SLC25A21: variants seen among roughly 807,000 people sequenced by gnomAD.
SLC25A21 encodes the protein solute carrier family 25 member 21, also known as mitochondrial 2-oxodicarboxylate carrier.
A neutral mutation model predicts 43.8 loss-of-function variants in SLC25A21; 47 were observed. That is an observed-to-expected ratio of 1.07 (90% CI 0.85 to 1.37). The LOEUF (loss-of-function observed/expected upper bound fraction) is 1.37. Ranked by LOEUF, SLC25A21 falls within the 40% of genes most tolerant of loss-of-function variation. The pLI, the probability that SLC25A21 is intolerant of heterozygous loss-of-function variation, is 0.00. For synonymous variants in SLC25A21, 131 were observed against 121.3 expected, an observed-to-expected ratio of 1.08 and a Z score of -0.52; for missense variants, 352 against 350.2, an observed-to-expected ratio of 1.00 and a Z score of -0.04.
chr14:36,841,087 G>A (rs1889369797), intron 2 of SLC25A21, among the ~76,000 whole-genome samples: 1 of 152,146 alleles, frequency 6.6e-6, no homozygotes, highest in South Asian at 2.1e-4. Context: ...AATCAACCCA[G>A]ATAGCCTTGA....
chr14:36,957,496 C>T (rs1423483527), intron 1 of SLC25A21, among the ~76,000 whole-genome samples: 3 of 152,138 alleles, frequency 2.0e-5, no homozygotes, highest in South Asian at 2.1e-4. Flanking sequence ...GGGAGTAGGA[C>T]GGGGTACCTC....
intron 3 of SLC25A21, among the ~76,000 whole-genome samples, chr14:36,735,830 T>G (rs1316017852): frequency 8.2e-6 from 1 of 122,074 alleles, no homozygotes; most frequent in Admixed American, 8.8e-5. Context: ...TTTTTTTTTT[T>G]GTATATAACC....
intron 1 of SLC25A21, among the ~76,000 whole-genome samples, chr14:37,033,888 G>T (rs1255645526): frequency 6.6e-6 from 1 of 152,118 alleles, no homozygotes; most frequent in Non-Finnish European, 1.5e-5. Flanking sequence ...GGTATTCCAT[G>T]GTTTATTTTG....
In SLC25A21 at chr14:37,063,161, G is replaced by A. The variant is rs148457598; in HGVS notation, c.70+109120C>T. 2.0e-4 allele frequency among the ~76,000 whole-genome samples: 30 copies of A among 152,076 alleles called. No individual in the cohort carries two copies. The East Asian group carries it at 4.5e-3, about 23-fold the overall frequency. Reference sequence around the variant, plus strand: ...CCCCCATGATTCAATTACCTCCACCGGGTCCCTCTCACAACACGTGGGGAT... The same window carrying A: ...CCCCCATGATTCAATTACCTCCACCAGGTCCCTCTCACAACACGTGGGGAT... On this transcript the variant is annotated intron_variant, in intron 1 of 9. Transcript: ENST00000331299.
intron 1 of SLC25A21, among the ~76,000 whole-genome samples, chr14:37,171,323 T>A (rs1964125022): frequency 6.6e-6 from 1 of 152,178 alleles, no homozygotes; most frequent in East Asian, 1.9e-4. Flanking sequence ...TTTGCAGTAA[T>A]CCCTTACAAA....
At chr14:37,169,228 A>G (rs1330374866) in intron 1 of SLC25A21, among the ~76,000 whole-genome samples, 2 of 152,050 alleles carry the variant, frequency 1.3e-5, no homozygotes. Flanking sequence ...CTGTATAACT[A>G]ATAAACTATC....
chr14:36,860,658 C>T (rs928869368), intron 2 of SLC25A21, among the ~76,000 whole-genome samples: 4 of 152,174 alleles, frequency 2.6e-5, no homozygotes, highest in African/African-American at 7.2e-5. Flanking sequence ...TTTAGGAGAG[C>T]ATCTTAGGAA....
At chr14:36,725,711 A>G in intron 5 of SLC25A21, 34 bp from the exon 6 acceptor site, 1 of 1,441,364 alleles carries the variant, frequency 6.9e-7, no homozygotes, top group Non-Finnish European at 9.5e-7. Flanking sequence ...ACTTTAAAAC[A>G]AGTTATCATG....
intron 3 of SLC25A21, among the ~76,000 whole-genome samples, chr14:36,802,423 A>C (rs761503555): frequency 6.6e-6 from 1 of 152,210 alleles, no homozygotes; most frequent in Non-Finnish European, 1.5e-5. Flanking sequence ...AAATAAAACT[A>C]GCTAACAATC....
At chr14:36,739,621 T>TG (rs1446855333) in intron 3 of SLC25A21, among the ~76,000 whole-genome samples, 1 of 149,496 alleles carries the variant, frequency 6.7e-6, no homozygotes, top group East Asian at 2.0e-4. Flanking sequence ...GAGGTTGCAG[T>TG]GAGCTGAGAT....
intron 1 of SLC25A21, among the ~76,000 whole-genome samples, chr14:37,097,651 G>A (rs1230053352): frequency 1.3e-5 from 2 of 152,136 alleles, no homozygotes; most frequent in African/African-American, 4.8e-5. Flanking sequence ...GGGAGGTCAA[G>A]GCAGGTGGAT....
chr14:37,098,961 C>A (rs1962763407), intron 1 of SLC25A21, among the ~76,000 whole-genome samples: 1 of 151,900 alleles, frequency 6.6e-6, no homozygotes, highest in Non-Finnish European at 1.5e-5. Context: ...CACAACTGCA[C>A]CTGGCTAATT....
intron 1 of SLC25A21, among the ~76,000 whole-genome samples, chr14:36,906,332 A>G (rs1891532730): frequency 6.6e-6 from 1 of 152,274 alleles, no homozygotes; most frequent in East Asian, 1.9e-4. Flanking sequence ...CCCAAATCAG[A>G]GAGAATTCTG....
At chr14:37,127,736 T>C (rs1422059902) in intron 1 of SLC25A21, among the ~76,000 whole-genome samples, 1 of 152,158 alleles carries the variant, frequency 6.6e-6, no homozygotes, top group Non-Finnish European at 1.5e-5. Flanking sequence ...TAACATAAAC[T>C]AACATATGGA....
At position 37,172,320 on chromosome 14, in the gene SLC25A21, G is replaced by T. The variant is rs1416644858; in HGVS notation, c.31C>A (p.Arg11Ser). Residue 11 changes from arginine to serine, a missense_variant, in exon 1 of 10, where the codon CGC becomes AGC. Coordinates refer to ENST00000331299, the MANE Select transcript of SLC25A21 (RefSeq NM_030631.4). Reference protein sequence around the residue: MSAKPEVSLVREASRQIVAGG... With the variant: MSAKPEVSLVSEASRQIVAGG... ...GCCACGATCTGCCGAGAAGCCTCGC[G>T]CACTAAGCTGACTTCAGGCTTGGCG... The T allele has an allele frequency of 3.1e-6, 5 of 1,602,936 alleles. No individual in the cohort carries two copies. Among genetic ancestry groups the T allele is most frequent in the Non-Finnish European group, 8.5e-7 (1 of 1,174,896 alleles).
At chr14:36,961,553 C>A (rs1190611421) in intron 1 of SLC25A21, among the ~76,000 whole-genome samples, 2 of 152,138 alleles carry the variant, frequency 1.3e-5, no homozygotes, top group Non-Finnish European at 2.9e-5. Flanking sequence ...TGACTTGTCA[C>A]TTTGGCTCCA....
intron 3 of SLC25A21, among the ~76,000 whole-genome samples, chr14:36,773,040 T>C (rs1242369149): frequency 1.3e-5 from 2 of 152,216 alleles, no homozygotes; most frequent in Non-Finnish European, 2.9e-5. Context: ...AAGAAAAAGA[T>C]GGTGAAAGTT....
chr14:36,845,207 C>T (rs953953010), intron 2 of SLC25A21, among the ~76,000 whole-genome samples: 2 of 152,090 alleles, frequency 1.3e-5, no homozygotes, highest in African/African-American at 4.8e-5. Flanking sequence ...AACTAAAACT[C>T]ACCCTGGAAA....
chr14:36,698,255 G>T (rs997010706), intron 7 of SLC25A21, among the ~76,000 whole-genome samples: 11 of 152,120 alleles, frequency 7.2e-5, no homozygotes, highest in Admixed American at 6.5e-4. Flanking sequence ...ACTCTCTTCT[G>T]GCTTGTAGGT....
Sources: gnomAD v4.1 joint callset for allele counts (sites outside exome capture counted in the v4.1 genomes callset) on GRCh38, gnomAD v4.1.1 for gene constraint, MANE v1.5 for transcripts, NCBI Gene and HGNC (gene_info 2026-07-23, HGNC 2026-07-21) for gene names.